KCNIP4: variants seen among roughly 807,000 people sequenced by gnomAD.
KCNIP4 encodes Kv channel-interacting protein 4.
KCNIP4 carries 12 observed loss-of-function variants against 34.0 expected under a neutral mutation model. The ratio of observed to expected loss-of-function variants is 0.35; its 90% CI spans 0.23 to 0.57. KCNIP4 has a LOEUF of 0.57. KCNIP4 is among the 20% of genes least tolerant of loss of function. The pLI, the probability that KCNIP4 is intolerant of heterozygous loss-of-function variation, is 0.83. For missense variants in KCNIP4, 238 were observed against 311.7 expected (o/e 0.76, Z 1.78); for synonymous variants, 124 against 102.2 (o/e 1.21, Z -1.29).
chr4:21,167,561 A>G (rs576534739), intron 1 of KCNIP4, among the ~76,000 whole-genome samples: 2 of 152,336 alleles, frequency 1.3e-5, no homozygotes, highest in South Asian at 4.1e-4. Context: ...AATTGTAAAG[A>G]TACTAACAGA....
intron 1 of KCNIP4, among the ~76,000 whole-genome samples, chr4:21,792,874 C>A (rs555080429): frequency 2.6e-5 from 4 of 152,330 alleles, no homozygotes; most frequent in African/African-American, 9.6e-5. Flanking sequence ...TTTGTAAATA[C>A]CAAACCTAGA....
chr4:21,550,302 T>C (rs1418834347), intron 1 of KCNIP4, among the ~76,000 whole-genome samples: 1 of 151,990 alleles, frequency 6.6e-6, no homozygotes, highest in East Asian at 1.9e-4. Flanking sequence ...ACTATTAACA[T>C]TGGAAGCAAT....
intron 1 of KCNIP4, among the ~76,000 whole-genome samples, chr4:21,342,349 T>C (rs1417555234): frequency 1.3e-5 from 2 of 152,154 alleles, no homozygotes; most frequent in Admixed American, 1.3e-4. Flanking sequence ...ACATATATAA[T>C]ATATACAGCA....
At chr4:21,085,003 A>T (rs1746295303) in intron 1 of KCNIP4, among the ~76,000 whole-genome samples, 1 of 151,876 alleles carries the variant, frequency 6.6e-6, no homozygotes, top group Non-Finnish European at 1.5e-5. Context: ...TTATATATCT[A>T]CATTAAATAC....
At chr4:20,848,039 G>A (rs574190241) in intron 3 of KCNIP4, among the ~76,000 whole-genome samples, 5 of 152,150 alleles carry the variant, frequency 3.3e-5, no homozygotes, top group South Asian at 2.1e-4. Flanking sequence ...AGTGTATTTC[G>A]GCTATGCTTA....
At chr4:21,803,142 A>C (rs1721101468) in intron 1 of KCNIP4, among the ~76,000 whole-genome samples, 1 of 152,182 alleles carries the variant, frequency 6.6e-6, no homozygotes, top group South Asian at 2.1e-4. Context: ...TTTTGACGTT[A>C]GTAAAGGTAG....
At chr4:20,904,524 G>C (rs1413965485) in intron 1 of KCNIP4, among the ~76,000 whole-genome samples, 1 of 151,800 alleles carries the variant, frequency 6.6e-6, no homozygotes, top group African/African-American at 2.4e-5. Flanking sequence ...AAAGATGGGT[G>C]CTTAAATATA....
intron 3 of KCNIP4, among the ~76,000 whole-genome samples, chr4:20,795,203 G>T (rs962237933): frequency 6.6e-6 from 1 of 152,124 alleles, no homozygotes; most frequent in Non-Finnish European, 1.5e-5. Flanking sequence ...AAATCATAAA[G>T]AAGAGGTGTC....
chr4:21,298,358 CACTT>C (rs1763964855), intron 1 of KCNIP4, among the ~76,000 whole-genome samples: 4 of 152,096 alleles, frequency 2.6e-5, no homozygotes, highest in Admixed American at 1.3e-4. Context: ...ATGCTGGATG[CACTT>C]ACTTCAAAAT....
At chr4:21,821,210 G>A (rs1172584017) in intron 1 of KCNIP4, among the ~76,000 whole-genome samples, 12 of 151,994 alleles carry the variant, frequency 7.9e-5, no homozygotes, top group Non-Finnish European at 1.3e-4. Context: ...CTGACCTGCA[G>A]GCAATTGTCT....
At chr4:21,564,527 C>G (rs1388975672) in intron 1 of KCNIP4, among the ~76,000 whole-genome samples, 1 of 152,072 alleles carries the variant, frequency 6.6e-6, no homozygotes, top group Non-Finnish European at 1.5e-5. Flanking sequence ...GTCACATATG[C>G]CCATGATCTT....
chr4:21,157,239 T>C (rs1753204373), intron 1 of KCNIP4, among the ~76,000 whole-genome samples: 1 of 152,170 alleles, frequency 6.6e-6, no homozygotes, highest in African/African-American at 2.4e-5. Flanking sequence ...TCAAGAACTA[T>C]GTATTTAAAT....
In KCNIP4 at chr4:20,847,868, A is replaced by C. The variant is rs187409176; in HGVS notation, c.288+2675T>G. ...ATGGAGAGTTTTAATAGTTTCATTA[A>C]AAATGAATATCCCAACTGTTTCCAG... On this transcript the variant is annotated intron_variant, in intron 3 of 8. Transcript: ENST00000382152. Among the ~76,000 whole-genome samples, 250 of 152,270 alleles carry C rather than the reference A, an allele frequency of 1.6e-3. 2 individuals carry two copies. The highest frequency in any genetic ancestry group is 5.8e-3 in the African/African-American group (239 of 41,564).
chr4:20,815,318 A>G (rs1273091137), intron 3 of KCNIP4, among the ~76,000 whole-genome samples: 1 of 152,196 alleles, frequency 6.6e-6, no homozygotes, highest in African/African-American at 2.4e-5. Flanking sequence ...TATAGAGCAC[A>G]GTGGCAGCTG....
At chr4:20,969,939 A>G (rs952338970) in intron 1 of KCNIP4, among the ~76,000 whole-genome samples, 2 of 148,634 alleles carry the variant, frequency 1.3e-5, no homozygotes, top group Admixed American at 7.0e-5. Context: ...TGAAAATATT[A>G]TCAGCAGTTT....
intron 1 of KCNIP4, among the ~76,000 whole-genome samples, chr4:21,617,628 T>A (rs887095390): frequency 2.6e-5 from 4 of 152,226 alleles, no homozygotes; most frequent in African/African-American, 9.6e-5. Flanking sequence ...TGTCTCCTAT[T>A]CCTCCTTAAT....
At chr4:21,589,023 T>A (rs1741893321) in intron 1 of KCNIP4, among the ~76,000 whole-genome samples, 1 of 149,994 alleles carries the variant, frequency 6.7e-6, no homozygotes, top group Non-Finnish European at 1.5e-5. Context: ...TAAAAGAAAG[T>A]CAAATCATAT....
Position 21,634,707 on chromosome 4 carries a change from T to A in KCNIP4, c.61+313864A>T, listed in dbSNP as rs533023868. Reference sequence around the variant, plus strand: ...GGAATTTAAGGAGACATATAAGCCATCTATTTAAATCATCTCATTTGTAAG... The same window carrying A: ...GGAATTTAAGGAGACATATAAGCCAACTATTTAAATCATCTCATTTGTAAG... On this transcript the variant is annotated intron_variant, in intron 1 of 8. Transcript: ENST00000382152. 3.9e-5 allele frequency among the ~76,000 whole-genome samples: 6 copies of A among 152,310 alleles called. No homozygotes were observed. The East Asian group carries it at 7.7e-4, about 20-fold the overall frequency.
chr4:21,013,424 T>G (rs1418307327), intron 1 of KCNIP4, among the ~76,000 whole-genome samples: 1 of 152,056 alleles, frequency 6.6e-6, no homozygotes, highest in Admixed American at 6.6e-5. Context: ...CAGGGTTAAA[T>G]TCCCCTCAGT....
Sources: gnomAD v4.1 joint callset for allele counts (sites outside exome capture counted in the v4.1 genomes callset) on GRCh38, gnomAD v4.1.1 for gene constraint, MANE v1.5 for transcripts, NCBI Gene and HGNC (gene_info 2026-07-23, HGNC 2026-07-21) for gene names.